The following MBNL2 variants were observed in gnomAD, a reference collection of about 807,000 sequenced individuals.
The protein encoded by MBNL2 is muscleblind like splicing regulator 2, also known as muscleblind-like protein 2.
In MBNL2, 17 loss-of-function variants were observed where a neutral mutation model predicts 41.9. The observed-to-expected ratio is 0.41, with a 90% CI of 0.28 to 0.61. MBNL2 has a LOEUF of 0.61. Ranked by LOEUF, MBNL2 falls within the 20% of genes least tolerant of loss-of-function variation. The pLI is 0.35. For synonymous variants in MBNL2, 195 were observed against 182.9 expected, an observed-to-expected ratio of 1.07 and a Z score of -0.53; for missense variants, 336 against 505.6, an observed-to-expected ratio of 0.66 and a Z score of 3.22.
intron 8 of MBNL2, among the ~76,000 whole-genome samples, chr13:97,387,671 A>C (rs1321619724): frequency 2.6e-5 from 4 of 152,156 alleles, no homozygotes; most frequent in Admixed American, 1.3e-4. Flanking sequence ...CAATGAGCAG[A>C]GTGACATCTC....
At chr13:97,204,318 GT>G in the MBNL2 span, among the ~76,000 whole-genome samples, 4 of 152,202 alleles carry the variant, frequency 2.6e-5, no homozygotes, top group Admixed American at 6.5e-5. Context: ...TCCATAGAGA[GT>G]TTGAAGGTTG....
intron 1 of MBNL2, among the ~76,000 whole-genome samples, chr13:97,229,384 A>G (rs1349075889): frequency 6.6e-6 from 1 of 151,910 alleles, no homozygotes; most frequent in East Asian, 1.9e-4. Flanking sequence ...GGGCAAGATT[A>G]TTCACTTGGC....
In MBNL2 at chr13:97,393,690, T is replaced by G. The variant is rs1470489574; in HGVS notation, c.*2241T>G. 6.6e-6 allele frequency: 1 copy of G among 152,520 alleles called. No homozygotes were observed. Among genetic ancestry groups the G allele is most frequent in the Admixed American group, 6.6e-5 (1 of 15,258 alleles). The allele number at this position is 152,520 out of a possible 1,614,324, so 9.4% of individuals were successfully genotyped here. ...TAATTTTATAGAATAATTCTGGGAT[T>G]TGAGAGGATCTAAAACTATTTTTCT... is the stretch of plus-strand genomic sequence containing the variant. On this transcript the variant is annotated 3_prime_UTR_variant, in exon 9 of 9. Transcript: ENST00000679496.
chr13:97,392,098 A>G lies in MBNL2; in HGVS notation c.*649A>G, dbSNP rs933967914. ...GTCTTGAAGGTATTATTTTACAAGT[A>G]TATTTTTAAAGTTGTTTTATAAGAG... On this transcript the variant is annotated 3_prime_UTR_variant, in exon 9 of 9. Coordinates refer to ENST00000679496, the MANE Select transcript of MBNL2 (RefSeq NM_001382683.1). 1.3e-5 allele frequency: 2 copies of G among 152,638 alleles called. No homozygotes were observed. The highest frequency in any genetic ancestry group is 2.9e-5 in the Non-Finnish European group (2 of 68,008). 9.5% of individuals were successfully genotyped at this position (152,638 alleles called of 1,614,324 possible).
At chr13:97,243,711 T>C (rs1211878407) in intron 1 of MBNL2, among the ~76,000 whole-genome samples, 1 of 152,244 alleles carries the variant, frequency 6.6e-6, no homozygotes, top group Non-Finnish European at 1.5e-5. Flanking sequence ...TTTTCTCTTT[T>C]TCTTCTCTCC....
At chr13:97,376,036 G>A (rs1367390624) in intron 8 of MBNL2, among the ~76,000 whole-genome samples, 1 of 152,138 alleles carries the variant, frequency 6.6e-6, no homozygotes. Flanking sequence ...TTCCATGAGA[G>A]GCTTGGAAAC....
intron 1 of MBNL2, among the ~76,000 whole-genome samples, chr13:97,264,289 A>G (rs2049283424): frequency 6.6e-6 from 1 of 152,146 alleles, no homozygotes; most frequent in Non-Finnish European, 1.5e-5. Flanking sequence ...GGCCTCCCAA[A>G]GTGCTGGGAT....
the MBNL2 span, among the ~76,000 whole-genome samples, chr13:97,169,976 G>T: frequency 6.6e-6 from 1 of 152,098 alleles, no homozygotes; most frequent in Non-Finnish European, 1.5e-5. Flanking sequence ...TAATAAAAAA[G>T]GATCTCGTCA....
At chr13:97,273,821 G>T (rs2051597096) in intron 1 of MBNL2, among the ~76,000 whole-genome samples, 1 of 151,964 alleles carries the variant, frequency 6.6e-6, no homozygotes, top group African/African-American at 2.4e-5. Context: ...AACATTTTGG[G>T]AGGCCAAGAT....
At chr13:97,362,478 C>G (rs905270847) in intron 7 of MBNL2, among the ~76,000 whole-genome samples, 46 of 152,208 alleles carry the variant, frequency 3.0e-4, no homozygotes, top group African/African-American at 1.1e-3. Context: ...GAAGATTATT[C>G]TAGGCCAAGG....
At chr13:97,267,471 T>C (rs2050050134) in intron 1 of MBNL2, among the ~76,000 whole-genome samples, 1 of 152,230 alleles carries the variant, frequency 6.6e-6, no homozygotes, top group Non-Finnish European at 1.5e-5. Context: ...ACTTCAGTCT[T>C]GCCTTTTCTT....
At chr13:97,189,766 C>T in the MBNL2 span, among the ~76,000 whole-genome samples, 39 of 152,246 alleles carry the variant, frequency 2.6e-4, no homozygotes, top group Non-Finnish European at 4.7e-4. Context: ...ACAGAACTCG[C>T]GGTACACACA....
At chr13:97,159,022 TGG>T in the MBNL2 span, among the ~76,000 whole-genome samples, 1 of 150,692 alleles carries the variant, frequency 6.6e-6, no homozygotes, top group Non-Finnish European at 1.5e-5. Context: ...TATTAATGTG[TGG>T]GAGTCTAAGT....
chr13:97,158,580 A>T, the MBNL2 span, among the ~76,000 whole-genome samples: 1 of 150,958 alleles, frequency 6.6e-6, no homozygotes, highest in Middle Eastern at 3.4e-3. Flanking sequence ...CGTCCCAGAG[A>T]TTCTGGTATG....
At chr13:97,267,488 T>C (rs2050053034) in intron 1 of MBNL2, among the ~76,000 whole-genome samples, 1 of 152,190 alleles carries the variant, frequency 6.6e-6, no homozygotes. Flanking sequence ...TCTTTAAAGA[T>C]GAGTCAAGCA....
the MBNL2 span, among the ~76,000 whole-genome samples, chr13:97,163,789 T>C: frequency 6.6e-6 from 1 of 152,046 alleles, no homozygotes; most frequent in African/African-American, 2.4e-5. Context: ...TCCACTGTGA[T>C]GGGTGTCCTT....
intron 2 of MBNL2, among the ~76,000 whole-genome samples, chr13:97,333,548 T>G (rs1364251889): frequency 6.6e-6 from 1 of 152,188 alleles, no homozygotes; most frequent in Non-Finnish European, 1.5e-5. Flanking sequence ...AGCAAAGTAA[T>G]CACTTGCAGA....
At chr13:97,142,979 T>C in the MBNL2 span, among the ~76,000 whole-genome samples, 5 of 152,204 alleles carry the variant, frequency 3.3e-5, no homozygotes, top group Admixed American at 3.3e-4. Flanking sequence ...CCGGATCAGA[T>C]CCTCTTAGGA....
the MBNL2 span, among the ~76,000 whole-genome samples, chr13:97,216,045 C>A: frequency 6.6e-6 from 1 of 152,138 alleles, no homozygotes. Context: ...TTTCCTTAAC[C>A]CAGAAAATGT....
Sources: gnomAD v4.1 joint callset for allele counts (sites outside exome capture counted in the v4.1 genomes callset) on GRCh38, gnomAD v4.1.1 for gene constraint, MANE v1.5 for transcripts, NCBI Gene and HGNC (gene_info 2026-07-23, HGNC 2026-07-21) for gene names.